Variants in UNC5B observed in about 807,000 individuals in gnomAD.
UNC5B encodes unc-5 netrin receptor B.
A neutral mutation model predicts 103.7 loss-of-function variants in UNC5B; 56 were observed. The ratio of observed to expected loss-of-function variants is 0.54; its 90% CI spans 0.44 to 0.67. UNC5B has a LOEUF of 0.67. UNC5B is among the 30% of genes least tolerant of loss of function. The pLI, the probability that UNC5B is intolerant of heterozygous loss-of-function variation, is 0.00. For missense variants in UNC5B, 1,194 were observed against 1,284.5 expected, an observed-to-expected ratio of 0.93 and a Z score of 1.08; for synonymous variants, 577 against 542.0, an observed-to-expected ratio of 1.06 and a Z score of -0.90.
chr10:71,282,888 G>A (rs919818834), intron 2 of UNC5B, among the ~76,000 whole-genome samples: 3 of 152,026 alleles, frequency 2.0e-5, no homozygotes, highest in Admixed American at 6.6e-5. Context: ...AGGCCGAGGC[G>A]GGCAATTCAC....
intron 1 of UNC5B, among the ~76,000 whole-genome samples, chr10:71,227,703 C>CATATATACACATATAT (rs1382854607): frequency 9.0e-6 from 1 of 111,468 alleles, no homozygotes; most frequent in African/African-American, 3.9e-5. Context: ...TATATACACA[C>CATATATACACATATAT]ATATACACAC....
intron 1 of UNC5B, among the ~76,000 whole-genome samples, chr10:71,273,367 G>C (rs1183192334): frequency 6.6e-6 from 1 of 152,188 alleles, no homozygotes; most frequent in Non-Finnish European, 1.5e-5. Context: ...CTTGGAACCA[G>C]GACTGTTGGC....
At chr10:71,232,806 C>T (rs1402553136) in intron 1 of UNC5B, among the ~76,000 whole-genome samples, 2 of 152,244 alleles carry the variant, frequency 1.3e-5, no homozygotes, top group Non-Finnish European at 1.5e-5. Flanking sequence ...TGCAGCATGT[C>T]AGTGAATAAA....
intron 1 of UNC5B, among the ~76,000 whole-genome samples, chr10:71,274,047 G>A (rs1665145443): frequency 1.3e-5 from 2 of 152,218 alleles, no homozygotes; most frequent in African/African-American, 4.8e-5. Context: ...AGTTAGAAGT[G>A]TGCTGTTTAG....
chr10:71,226,856 A>G (rs1843574271), intron 1 of UNC5B, among the ~76,000 whole-genome samples: 2 of 152,246 alleles, frequency 1.3e-5, no homozygotes, highest in South Asian at 4.1e-4. Context: ...ACTAAAAGAA[A>G]TAGGAATTAA....
At chr10:71,290,847 C>T in intron 8 of UNC5B, 68 bp from the exon 9 acceptor site, 3 of 1,522,430 alleles carry the variant, frequency 2.0e-6, no homozygotes, top group African/African-American at 1.4e-5. Flanking sequence ...TCCAGGGACC[C>T]AGGGCCTCCC....
Position 71,291,013 on chromosome 10 carries a change from C to A in UNC5B, c.1198C>A (p.Arg400Ser). ...CATGGCGGTGGGGGTGGTGGTGTAC[C>A]GCCGCAACTGCCGTGACTTCGACAC... ...ILMAVGVVVY[R>S]RNCRDFDTDI... The change falls in exon 9 of 17, where the codon CGC (arginine) becomes AGC (serine). Residue 400 changes from arginine (R) to serine (S), a missense_variant. Physicochemically the swap from Arg to Ser is moderately radical, Grantham distance 110. Coordinates refer to ENST00000335350, the MANE Select transcript of UNC5B (RefSeq NM_170744.5). The A allele has an allele frequency of 6.2e-7, 1 of 1,614,086 alleles. No homozygotes were observed. The highest frequency in any genetic ancestry group is 8.5e-7 in the Non-Finnish European group (1 of 1,180,012).
intron 1 of UNC5B, among the ~76,000 whole-genome samples, chr10:71,225,082 T>A (rs1248578349): frequency 1.3e-5 from 2 of 152,296 alleles, no homozygotes; most frequent in East Asian, 3.9e-4. Flanking sequence ...GAAAGAGCAC[T>A]GGACTAGGAG....
At chr10:71,261,598 C>T (rs1426467572) in intron 1 of UNC5B, among the ~76,000 whole-genome samples, 1 of 152,212 alleles carries the variant, frequency 6.6e-6, no homozygotes, top group Admixed American at 6.5e-5. Flanking sequence ...TCTCACCTGC[C>T]TCAACCTGCA....
intron 1 of UNC5B, among the ~76,000 whole-genome samples, chr10:71,228,081 A>G (rs1258080576): frequency 2.6e-5 from 4 of 152,232 alleles, no homozygotes; most frequent in Admixed American, 2.0e-4. Context: ...AGTACATAAC[A>G]AAGGTGGTAT....
chr10:71,250,604 G>T (rs1844151130), intron 1 of UNC5B, among the ~76,000 whole-genome samples: 1 of 152,166 alleles, frequency 6.6e-6, no homozygotes, highest in Admixed American at 6.5e-5. Flanking sequence ...GCCACATCTG[G>T]ACTCATTTAC....
Position 71,289,631 on chromosome 10 carries a change from C to T in UNC5B, c.1099+641C>T, listed in dbSNP as rs189301445. On this transcript the variant is annotated intron_variant, in intron 8 of 16. Coordinates refer to ENST00000335350, the MANE Select transcript of UNC5B (RefSeq NM_170744.5). ...GGAATCATAAAATCAGTGAGGCCCT[C>T]GGCCGAGCTCACTGGGGGTCGGGCT... 3.3e-5 allele frequency among the ~76,000 whole-genome samples: 5 copies of T among 152,362 alleles called. No homozygotes were observed. The East Asian group carries it at 7.7e-4, about 23-fold the overall frequency.
chr10:71,255,442 C>T (rs1011195904), intron 1 of UNC5B, among the ~76,000 whole-genome samples: 1 of 152,190 alleles, frequency 6.6e-6, no homozygotes, highest in Admixed American at 6.5e-5. Flanking sequence ...ACAGCCCAGA[C>T]TTCCAAATGT....
chr10:71,273,292 AG>A (rs1269108915), intron 1 of UNC5B, among the ~76,000 whole-genome samples: 3 of 152,244 alleles, frequency 2.0e-5, no homozygotes, highest in African/African-American at 7.2e-5. Context: ...ACTTCTTTAT[AG>A]ATGGGGAAAC....
rs574224695 is a variant in UNC5B at position 71,238,132 on chromosome 10, A to G, written c.79+25068A>G. Among the ~76,000 whole-genome samples the G allele has an allele frequency of 6.0e-4, 92 of 152,332 alleles. 1 individual carries two copies. Among genetic ancestry groups the G allele is most frequent in the African/African-American group, 2.2e-3 (90 of 41,574 alleles). On this transcript the variant is annotated intron_variant, in intron 1 of 16. Coordinates refer to ENST00000335350, the MANE Select transcript of UNC5B (RefSeq NM_170744.5). ...AATAGGAGTGTGATCATTAAAAACT[A>G]GAGGTGCTGGGAGCCCCCCTGCCCT...
rs1554865166 is a variant in UNC5B, at chr10:71,269,352, C to CCCCA, written c.80-10469_80-10468insCCCA. On this transcript the variant is annotated intron_variant, in intron 1 of 16. Transcript: ENST00000335350. ...GTTTAGAAAAATGAAGTCCCCCCCC[C>CCCCA]ACAACTTCTCCTTTCCTGGGAGTCT... 2.7e-3 allele frequency among the ~76,000 whole-genome samples: 396 copies of CCCCA among 145,540 alleles called. 13 individuals carry two copies. The highest frequency in any genetic ancestry group is 0.025 in the Admixed American group (356 of 14,376).
chr10:71,231,698 T>G (rs1843687535), intron 1 of UNC5B, among the ~76,000 whole-genome samples: 1 of 152,104 alleles, frequency 6.6e-6, no homozygotes, highest in African/African-American at 2.4e-5. Flanking sequence ...AGGTTCTGGT[T>G]TAGGGACTGT....
intron 1 of UNC5B, among the ~76,000 whole-genome samples, chr10:71,235,035 C>G (rs1037887189): frequency 6.6e-6 from 1 of 152,190 alleles, no homozygotes; most frequent in Non-Finnish European, 1.5e-5. Flanking sequence ...CCCCTCCTCC[C>G]CCGGCCTGGC....
rs1357479793 is a variant in UNC5B at position 71,291,449 on chromosome 10, C to T, written c.1312C>T (p.His438Tyr). 6 of 1,610,624 alleles carry T rather than the reference C, an allele frequency of 3.7e-6. No individual in the cohort carries two copies. Among genetic ancestry groups the T allele is most frequent in the African/African-American group, 2.7e-5 (2 of 74,854 alleles). ...TCCTGCAGGCAACCCGCAGCTCCTA[C>T]ACCCCTCTGTGCCTCCTGACCTGAC... ...TARPSNPQLLHPSVPPDLTAS... is the reference protein window; with the variant it reads ...TARPSNPQLLYPSVPPDLTAS... Residue 438 changes from histidine to tyrosine, a missense_variant, in exon 10 of 17, where the codon CAC becomes TAC. Coordinates refer to ENST00000335350, the MANE Select transcript of UNC5B (RefSeq NM_170744.5).
Sources: allele counts gnomAD v4.1 joint callset (sites outside exome capture counted in the v4.1 genomes callset), GRCh38; gene constraint gnomAD v4.1.1; transcripts MANE v1.5; gene names NCBI Gene and HGNC (gene_info 2026-07-23, HGNC 2026-07-21).